CPXM1: variants seen among roughly 807,000 people sequenced by gnomAD.
The protein encoded by CPXM1 is carboxypeptidase X, M14 family member 1, also known as probable carboxypeptidase X1.
Under a neutral mutation model 80.4 loss-of-function variants are expected in CPXM1, and 72 were observed. That is an observed-to-expected ratio of 0.90 (90% CI 0.74 to 1.09). CPXM1 has a LOEUF of 1.09. Ranked by LOEUF, CPXM1 falls within the 50% of genes least tolerant of loss-of-function variation. The probability of loss-of-function intolerance (pLI) is 0.00; values close to 1 mark genes in which losing one functional copy is unlikely to be tolerated. For synonymous variants in CPXM1, 403 were observed against 405.6 expected, an observed-to-expected ratio of 0.99 and a Z score of 0.08; for missense variants, 892 against 999.4, an observed-to-expected ratio of 0.89 and a Z score of 1.45.
In CPXM1 at chr20:2,797,292, C is replaced by T. The variant is rs771737738; in HGVS notation, c.732G>A (p.Pro244=). The T allele has an allele frequency of 2.1e-4, 336 of 1,563,628 alleles. No homozygotes were observed. The highest frequency in any genetic ancestry group is 2.7e-4 in the Non-Finnish European group (314 of 1,154,182). The stretch of plus-strand genomic sequence containing the variant: ...GAATGAAGCGGGCCACCTGGGGCTC[C>T]GGCAGGAGGTTCAGCACTGGAGTTT... The part of the protein sequence containing the change: ...DPETPVLNLL[P]EPQVARFIRL... The change falls in exon 6 of 14, where the codon CCG becomes CCA. Residue 244 remains proline, a synonymous_variant. Coordinates refer to ENST00000380605, the MANE Select transcript of CPXM1 (RefSeq NM_019609.5).
chr20:2,800,129 CTG>C (rs570905498), intron 1 of CPXM1, among the ~76,000 whole-genome samples: 296 of 112,742 alleles, frequency 2.6e-3, no homozygotes, highest in Middle Eastern at 0.012. Context: ...CGCGCGTGCA[CTG>C]TGTGTGCGCG....
At position 2,798,433 on chromosome 20, in the gene CPXM1, T is replaced by C. The variant is rs1254359575; in HGVS notation, c.445A>G (p.Ile149Val). 1.2e-6 allele frequency: 2 copies of C among 1,612,750 alleles called. No homozygotes were observed. The highest frequency in any genetic ancestry group is 1.7e-6 in the Non-Finnish European group (2 of 1,179,340). ...GLGPHRGRLN[I>V]QSGLEDGDLY... ...TCCGAGCCAGGATTACTGACCTGAA[T>C]GTTGAGCCGTCCTCGGTGTGGTCCA... The change falls in exon 3 of 14, where the codon ATT becomes GTT. Residue 149 changes from isoleucine to valine, a missense_variant. By Grantham distance (29) the Ile-to-Val change is conservative. This residue lies in a region of CPXM1 where 874 missense variants were observed against 958.4 expected (regional missense o/e 0.91). Transcript: ENST00000380605.
In CPXM1 at chr20:2,796,522, A is replaced by G; in HGVS notation, c.1045+5T>C. ...CCTACCTCTCCCCACTCCCCATGCC[A>G]GTACCCAGCTCATGCTCCCCAGGCT... is the stretch of plus-strand genomic sequence containing the variant. On this transcript the variant is annotated splice_donor_5th_base_variant and intron_variant, in intron 8 of 13. Transcript: ENST00000380605. This position sits in a 1 kb window ranked among gnomAD's most constrained non-coding sequence, Gnocchi z 6.8. 1 of 1,614,056 alleles carries G rather than the reference A, an allele frequency of 6.2e-7. No homozygotes were observed. The highest frequency in any genetic ancestry group is 8.5e-7 in the Non-Finnish European group (1 of 1,179,958).
Position 2,798,554 on chromosome 20 carries a change from A to C in CPXM1, c.341-17T>G. ...GAGGACAGCCTGGGGCGGGGATAGA[A>C]CAGTGAGACAGGACCAGAGGGAGGG... On this transcript the variant is annotated splice_polypyrimidine_tract_variant and intron_variant, in intron 2 of 13. Transcript: ENST00000380605. 6.2e-7 allele frequency: 1 copy of C among 1,605,726 alleles called. No homozygotes were observed. The highest frequency in any genetic ancestry group is 8.5e-7 in the Non-Finnish European group (1 of 1,173,046).
At chr20:2,798,614 G>C in intron 2 of CPXM1, 77 bp from the exon 3 acceptor site, 1 of 1,538,048 alleles carries the variant, frequency 6.5e-7, no homozygotes, top group South Asian at 1.2e-5. Context: ...GCCTAAGGTT[G>C]CTCCTGCGCT....
Position 2,795,626 on chromosome 20 carries a change from C to A in CPXM1, c.1693G>T (p.Gly565Trp), listed in dbSNP as rs191472527. 6.2e-7 allele frequency: 1 copy of A among 1,613,936 alleles called. No individual in the cohort carries two copies. Among genetic ancestry groups the A allele is most frequent in the Non-Finnish European group, 8.5e-7 (1 of 1,179,916 alleles). Residue 565 changes from glycine (G) to tryptophan (W), a missense_variant, in exon 11 of 14, where the codon GGG becomes TGG. Coordinates refer to ENST00000380605, the MANE Select transcript of CPXM1 (RefSeq NM_019609.5). This position sits in a 1 kb window ranked among gnomAD's most constrained non-coding sequence, Gnocchi z 5.4. ...CCGGGGACCGTGTGCCAGTCAGCCCCGTTGATGATGTTGCCGTGCACGGAG... is the reference window on the plus strand; with the variant it reads ...CCGGGGACCGTGTGCCAGTCAGCCCAGTTGATGATGTTGCCGTGCACGGAG... ...DFSVHGNIIN[G>W]ADWHTVPGSM...
Position 2,798,072 on chromosome 20 carries a change from T to C in CPXM1, c.591-14A>G. ...ACCCAGTCATACCTGGCAGGAGAGG[T>C]GGAGAGAGATCATCGGTGCCCCCAG... On this transcript the variant is annotated splice_polypyrimidine_tract_variant and intron_variant, in intron 4 of 13. Coordinates refer to ENST00000380605, the MANE Select transcript of CPXM1 (RefSeq NM_019609.5). The C allele has an allele frequency of 6.2e-7, 1 of 1,613,534 alleles. No homozygotes were observed. Among genetic ancestry groups the C allele is most frequent in the African/African-American group, 1.3e-5 (1 of 74,850 alleles).
Position 2,798,596 on chromosome 20 carries a change from G to A in CPXM1, c.341-59C>T, listed in dbSNP as rs1203152991. ...GAGGGAGGGTAGCCAGGGCAGGTGG[G>A]AAGCTGAGCCTAAGGTTGCTCCTGC... On this transcript the variant is annotated intron_variant, in intron 2 of 13. Transcript: ENST00000380605. The A allele has an allele frequency of 2.6e-6, 4 of 1,564,444 alleles. No individual in the cohort carries two copies. In the Admixed American group the frequency reaches 6.8e-5, roughly 27 times the overall value.
chr20:2,800,105 AGTGTGAGTGTGCGCGCGCGTGCACTGT>A (rs2088552123), intron 1 of CPXM1, among the ~76,000 whole-genome samples: 1 of 148,266 alleles, frequency 6.7e-6, no homozygotes, highest in Admixed American at 6.7e-5. Context: ...GTGCACTGTG[AGTGTGAGTGTGCGCGCGCGTGCACTGT>A]GTGTGCGCGC....
rs766068335 is a variant in CPXM1, at chr20:2,796,136, T to C, written c.1268A>G (p.Glu423Gly). ...GATGCTCTGGTTGTTCCAGCGGCCC[T>C]CGGCCCAGCCCACCAGCTCTGAACC... ...HRGSELVGWAEGRWNNQSIDL... is the reference protein window; with the variant it reads ...HRGSELVGWAGGRWNNQSIDL... The change falls in exon 10 of 14, where the codon GAG (glutamate) becomes GGG (glycine). Residue 423 changes from glutamate (E) to glycine (G), a missense_variant. Physicochemically the swap from Glu to Gly is moderately conservative, Grantham distance 98. Around this residue, in one of 2 missense-constraint regions of CPXM1, gnomAD observed 874 missense variants for 958.4 expected, o/e 0.91. Transcript: ENST00000380605. The surrounding 1 kb of genome is among the most constrained non-coding windows in gnomAD (Gnocchi z 6.8). 1 of 1,612,002 alleles carries C rather than the reference T, an allele frequency of 6.2e-7. No homozygotes were observed. The highest frequency in any genetic ancestry group is 1.7e-5 in the Admixed American group (1 of 59,840).
Position 2,797,202 on chromosome 20 carries a change from G to A in CPXM1, c.822C>T (p.Cys274=), listed in dbSNP as rs2088519366. The part of the protein sequence containing the change: ...APCLRAEILA[C]PVSDPNDLFL... ...GGCCTGACTGCCCACCTGAGACTGG[G>A]CAGGCCAGGATCTCTGCCCGGAGGC... is the stretch of plus-strand genomic sequence containing the variant. Residue 274 remains cysteine (C), a synonymous_variant, in exon 6 of 14, where the codon TGC becomes TGT. Transcript: ENST00000380605. 1 of 1,591,504 alleles carries A rather than the reference G, an allele frequency of 6.3e-7. No homozygotes were observed. The highest frequency in any genetic ancestry group is 8.6e-7 in the Non-Finnish European group (1 of 1,165,834).
At position 2,797,976 on chromosome 20, in the gene CPXM1, T is replaced by A. The variant is rs755703425; in HGVS notation, c.673A>T (p.Met225Leu). 1.5e-5 allele frequency: 25 copies of A among 1,613,980 alleles called. No individual in the cohort carries two copies. Among genetic ancestry groups the A allele is most frequent in the Non-Finnish European group, 2.1e-5 (25 of 1,179,958 alleles). ...ACAGTGGGACCACTCACTGCGTCCA[T>A]CCCACTGCTGTGGTTCCTACTTCCC... ...WWGSRNHSSGMDAVFPANSDP... is the reference protein window; with the variant it reads ...WWGSRNHSSGLDAVFPANSDP... The change falls in exon 5 of 14, where the codon ATG becomes TTG. Residue 225 changes from methionine to leucine, a missense_variant. Coordinates refer to ENST00000380605, the MANE Select transcript of CPXM1 (RefSeq NM_019609.5).
At position 2,796,684 on chromosome 20, in the gene CPXM1, G is replaced by A. The variant is rs200844270; in HGVS notation, c.922-34C>T. ...CAGAGTGTAGCGTGGCATGAGGCAT[G>A]GGAGGGGTACACCCAGGGGCAGATC... On this transcript the variant is annotated intron_variant, in intron 7 of 13. Coordinates refer to ENST00000380605, the MANE Select transcript of CPXM1 (RefSeq NM_019609.5). This position sits in a 1 kb window ranked among gnomAD's most constrained non-coding sequence, Gnocchi z 6.8. 6.2e-7 allele frequency: 1 copy of A among 1,611,984 alleles called. No homozygotes were observed. The highest frequency in any genetic ancestry group is 2.2e-5 in the East Asian group (1 of 44,848).
rs2088504144 is a variant in CPXM1, at chr20:2,796,061, T to G, written c.1343A>C (p.Gln448Pro). ...GATGTGGGGCACCTTCCCATCGTCC[T>G]GTGCTTCCCACAGTGGTGTGTTGAG... is the stretch of plus-strand genomic sequence containing the variant. ...ADLNTPLWEA[Q>P]DDGKVPHIVP... The change falls in exon 10 of 14, where the codon CAG becomes CCG. Residue 448 changes from glutamine (Q) to proline (P), a missense_variant. Physicochemically the swap from Gln to Pro is moderately conservative, Grantham distance 76 (BLOSUM62 -1). Transcript: ENST00000380605. This position sits in a 1 kb window ranked among gnomAD's most constrained non-coding sequence, Gnocchi z 6.8. 6.2e-7 allele frequency: 1 copy of G among 1,614,088 alleles called. No homozygotes were observed. The highest frequency in any genetic ancestry group is 8.5e-7 in the Non-Finnish European group (1 of 1,179,988).
intron 1 of CPXM1, among the ~76,000 whole-genome samples, chr20:2,799,762 C>A (rs1490925302): frequency 6.6e-6 from 1 of 152,200 alleles, no homozygotes; most frequent in African/African-American, 2.4e-5. Context: ...GGCTGCCTTC[C>A]TCTCCCGCTC....
Position 2,794,683 on chromosome 20 carries a change from T to C in CPXM1, c.1861-44A>G. 1 of 1,518,038 alleles carries C rather than the reference T, an allele frequency of 6.6e-7. No homozygotes were observed. Among genetic ancestry groups the C allele is most frequent in the Non-Finnish European group, 9.1e-7 (1 of 1,102,296 alleles). 94.0% of individuals were successfully genotyped at this position (1,518,038 alleles called of 1,614,324 possible). A position where few individuals can be genotyped will look rare whatever the true frequency, so the allele number is the denominator to read the frequency against. On this transcript the variant is annotated intron_variant, in intron 12 of 13. Coordinates refer to ENST00000380605, the MANE Select transcript of CPXM1 (RefSeq NM_019609.5). This position sits in a 1 kb window ranked among gnomAD's most constrained non-coding sequence, Gnocchi z 5.2. Reference sequence around the variant, plus strand: ...TCAGAGCCCTTCCCCTTCGGCAGGATAATGTGCTGTTTAGCTAACTTGCTG... The same window carrying C: ...TCAGAGCCCTTCCCCTTCGGCAGGACAATGTGCTGTTTAGCTAACTTGCTG...
In CPXM1 at chr20:2,795,506, T is replaced by A; in HGVS notation, c.1721-90A>T. The A allele has an allele frequency of 6.3e-7, 1 of 1,584,428 alleles. No homozygotes were observed. Among genetic ancestry groups the A allele is most frequent in the South Asian group, 1.1e-5 (1 of 87,014 alleles). ...CCCTTCTCTGAGGGACACTTCAGAG[T>A]GGGAACAGACGCCAGCACTGTACGC... On this transcript the variant is annotated intron_variant, in intron 11 of 13. Coordinates refer to ENST00000380605, the MANE Select transcript of CPXM1 (RefSeq NM_019609.5). This position sits in a 1 kb window ranked among gnomAD's most constrained non-coding sequence, Gnocchi z 5.4.
At chr20:2,798,324 T>C (rs546888181) in intron 3 of CPXM1, 33 bp from the exon 4 acceptor site, 60 of 1,611,504 alleles carry the variant, frequency 3.7e-5, no homozygotes, top group Middle Eastern at 3.3e-4. Flanking sequence ...TCAGGCCCAG[T>C]TGGACAGAGT....
chr20:2,797,851 C>A lies in CPXM1; in HGVS notation c.681+117G>T, dbSNP rs558356587. The A allele has an allele frequency of 2.5e-4, 223 of 895,380 alleles. 2 individuals are homozygous for A. In the South Asian group the frequency reaches 3.4e-3, roughly 13 times the overall value. The allele number at this position is 895,380 out of a possible 1,614,324, so 55.5% of individuals were successfully genotyped here. On this transcript the variant is annotated intron_variant, in intron 5 of 13. Transcript: ENST00000380605. ...GCCACCCTCTTGACAACAAGCCACA[C>A]CCCCCTGGGAAGCCTAAGCTGGCGT...
Sources: gnomAD v4.1 joint callset for allele counts (sites outside exome capture counted in the v4.1 genomes callset) on GRCh38, gnomAD v4.1.1 for gene constraint, gnomAD v4.1.1 regional missense constraint, Gnocchi (gnomAD v3.1) non-coding constraint, MANE v1.5 for transcripts, NCBI Gene and HGNC (gene_info 2026-07-23, HGNC 2026-07-21) for gene names.